Variants in CNGB1 observed in about 807,000 individuals in gnomAD.
CNGB1 encodes the protein cyclic nucleotide-gated channel beta-1.
A neutral mutation model predicts 151.7 loss-of-function variants in CNGB1; 126 were observed. The ratio of observed to expected loss-of-function variants is 0.83; its 90% CI spans 0.72 to 0.96. The LOEUF (loss-of-function observed/expected upper bound fraction) is 0.96, where lower values mean the gene tolerates loss of function less well. Among genes scored for constraint, CNGB1 ranks in the 40% least tolerant of loss-of-function variants. CNGB1 has a pLI of 0.00. For synonymous variants in CNGB1, 623 were observed against 635.1 expected (o/e 0.98, Z 0.29); for missense variants, 1,698 against 1,627.0 (o/e 1.04, Z -0.75).
intron 14 of CNGB1, among the ~76,000 whole-genome samples, chr16:57,944,404 T>C (rs1430411302): frequency 5.3e-5 from 8 of 152,128 alleles, no homozygotes; most frequent in African/African-American, 1.9e-4. Context: ...GGGAGATAGA[T>C]GTTGGTTAAA....
chr16:57,916,067 C>CG, intron 22 of CNGB1, 62 bp downstream of exon 22: 1 of 1,510,866 alleles, frequency 6.6e-7, no homozygotes, highest in Non-Finnish European at 9.2e-7. Context: ...GCACCCAGGG[C>CG]CCTCTGAGGC....
At chr16:57,955,234 T>C (rs1442632456) in intron 12 of CNGB1, 1 of 1,541,684 alleles carries the variant, frequency 6.5e-7, no homozygotes, top group African/African-American at 1.4e-5. Flanking sequence ...TCAAATAGGG[T>C]GGGGTGTCAG....
chr16:57,957,834 G>A (rs1402058481), intron 11 of CNGB1, among the ~76,000 whole-genome samples: 1 of 152,210 alleles, frequency 6.6e-6, no homozygotes, highest in African/African-American at 2.4e-5. Context: ...TTCTGAGAGG[G>A]CCAGAGCTGA....
At chr16:57,904,900 A>G (rs748336553) in intron 25 of CNGB1, 25 bp from the exon 26 acceptor site, 15 of 1,613,968 alleles carry the variant, frequency 9.3e-6, no homozygotes, top group Non-Finnish European at 1.2e-5. Context: ...GAAAGGGAAC[A>G]TGGGTCATCA....
chr16:57,914,997 C>A (rs1264785313), intron 23 of CNGB1, among the ~76,000 whole-genome samples: 1 of 152,218 alleles, frequency 6.6e-6, no homozygotes, highest in Non-Finnish European at 1.5e-5. Flanking sequence ...AATTAATTAA[C>A]CTCTCTGTGC....
chr16:57,922,780 C>T (rs762351969), intron 18 of CNGB1, among the ~76,000 whole-genome samples: 15 of 152,136 alleles, frequency 9.9e-5, no homozygotes, highest in Non-Finnish European at 2.1e-4. Context: ...GCACCACATC[C>T]CCTGGGGAGT....
intron 4 of CNGB1, 62 bp from the exon 5 acceptor site, chr16:57,963,126 G>T: frequency 8.2e-7 from 1 of 1,218,602 alleles, no homozygotes; most frequent in Non-Finnish European, 1.2e-6. Flanking sequence ...GGCCCTCGAG[G>T]CCCAAGACAC....
chr16:57,919,313 G>A lies in CNGB1; in HGVS notation c.1802-59C>T. 2.5e-6 allele frequency: 4 copies of A among 1,612,900 alleles called. No homozygotes were observed. In the South Asian group the frequency reaches 3.3e-5, roughly 13 times the overall value. The stretch of plus-strand genomic sequence containing the variant: ...CCCTGAGGCCCAGGTAGAGGATGCA[G>A]AGAGAAGGGTCCCAACTGCAGACCT... On this transcript the variant is annotated intron_variant, in intron 19 of 32. Coordinates refer to ENST00000251102, the MANE Select transcript of CNGB1 (RefSeq NM_001297.5).
At chr16:57,955,032 A>G in intron 12 of CNGB1, 5 of 1,227,016 alleles carry the variant, frequency 4.1e-6, no homozygotes, top group Non-Finnish European at 5.1e-6. Flanking sequence ...TACAGGCGTG[A>G]GCCACCACGC....
intron 22 of CNGB1, among the ~76,000 whole-genome samples, chr16:57,915,557 G>A (rs1960842481): frequency 6.6e-6 from 1 of 152,184 alleles, no homozygotes; most frequent in Non-Finnish European, 1.5e-5. Context: ...CCTCGATAGT[G>A]GCTGCTGTGC....
intron 32 of CNGB1, among the ~76,000 whole-genome samples, chr16:57,885,608 TTC>T (rs1231612914): frequency 9.3e-5 from 12 of 129,530 alleles, no homozygotes; most frequent in Non-Finnish European, 1.4e-4. Flanking sequence ...CTTTCTTTCT[TTC>T]TTAGACGGAG....
intron 16 of CNGB1, among the ~76,000 whole-genome samples, chr16:57,938,971 A>G (rs1476878846): frequency 6.6e-6 from 1 of 152,138 alleles, no homozygotes; most frequent in Admixed American, 6.5e-5. Flanking sequence ...CTCTGTTAGG[A>G]AGTTCTGGTT....
At chr16:57,897,317 AAG>A in intron 31 of CNGB1, 78 bp downstream of exon 31, 4 of 1,469,472 alleles carry the variant, frequency 2.7e-6, no homozygotes, top group South Asian at 2.5e-5. Context: ...AAAAAAAAAA[AAG>A]ATAAAGGTAC....
intron 14 of CNGB1, 81 bp from the exon 15 acceptor site, chr16:57,940,402 G>A (rs1567387753): frequency 6.6e-6 from 9 of 1,369,332 alleles, no homozygotes; most frequent in South Asian, 2.5e-5. Flanking sequence ...TGAGGGCCAC[G>A]CTCTGTGCCA....
chr16:57,919,093 A>G lies in CNGB1; in HGVS notation c.1957+6T>C, dbSNP rs1357196940. On this transcript the variant is annotated splice_donor_region_variant and intron_variant, in intron 20 of 32. Coordinates refer to ENST00000251102, the MANE Select transcript of CNGB1 (RefSeq NM_001297.5). The stretch of plus-strand genomic sequence containing the variant: ...ACAGTGGGAACACCCATTCCCCAGG[A>G]CTCACTGGTCAGCGGGTCAATGCTC... The G allele has an allele frequency of 9.3e-6, 15 of 1,614,012 alleles. No individual in the cohort carries two copies. Among genetic ancestry groups the G allele is most frequent in the Non-Finnish European group, 1.1e-5 (13 of 1,180,032 alleles).
chr16:57,949,896 C>A (rs1961906743), intron 13 of CNGB1, among the ~76,000 whole-genome samples: 1 of 152,222 alleles, frequency 6.6e-6, no homozygotes, highest in African/African-American at 2.4e-5. Context: ...CGTATTCACA[C>A]ATGTGCAAAG....
chr16:57,931,685 A>G (rs751699483), intron 17 of CNGB1, 31 bp downstream of exon 17: 1 of 1,612,842 alleles, frequency 6.2e-7, no homozygotes, highest in Non-Finnish European at 8.5e-7. Flanking sequence ...CACAGTGCCG[A>G]GAAAAGCCCA....
Position 57,883,595 on chromosome 16 carries a change from T to C in CNGB1, c.*569A>G. On this transcript the variant is annotated 3_prime_UTR_variant, in exon 33 of 33. Transcript: ENST00000251102. Reference sequence around the variant, plus strand: ...CTATTGTTTTTTTGTTTGTTTTTGTTTTTGTTTGAGATGAGGTCTCGCTAT... The same window carrying C: ...CTATTGTTTTTTTGTTTGTTTTTGTCTTTGTTTGAGATGAGGTCTCGCTAT... 1 of 164,226 alleles carries C rather than the reference T, an allele frequency of 6.1e-6. No homozygotes were observed. Among genetic ancestry groups the C allele is most frequent in the South Asian group, 1.7e-4 (1 of 5,940 alleles). 10.2% of individuals were successfully genotyped at this position (164,226 alleles called of 1,614,324 possible).
chr16:57,924,979 C>A (rs1214078344), intron 17 of CNGB1, among the ~76,000 whole-genome samples: 1 of 152,064 alleles, frequency 6.6e-6, no homozygotes, highest in African/African-American at 2.4e-5. Flanking sequence ...CCAATTAAAC[C>A]TCTTTTCTTT....
Sources: allele counts gnomAD v4.1 joint callset (sites outside exome capture counted in the v4.1 genomes callset), GRCh38; gene constraint gnomAD v4.1.1; transcripts MANE v1.5; gene names NCBI Gene and HGNC (gene_info 2026-07-23, HGNC 2026-07-21).